TM4SF4: variants seen among roughly 807,000 people sequenced by gnomAD.
The protein encoded by TM4SF4 is transmembrane 4 L6 family member 4.
A neutral mutation model predicts 24.1 loss-of-function variants in TM4SF4; 24 were observed. The observed-to-expected ratio is 1.00, with a 90% CI of 0.72 to 1.40. The LOEUF is 1.40. Ranked by LOEUF, TM4SF4 falls within the 40% of genes most tolerant of loss-of-function variation. TM4SF4 has a pLI of 0.00. For missense variants in TM4SF4, 254 were observed against 254.2 expected (o/e 1.00, Z 0.01); for synonymous variants, 113 against 97.0 (o/e 1.17, Z -0.97).
In TM4SF4 at chr3:149,502,679, G is replaced by A. The variant is rs1161849277; in HGVS notation, c.595G>A (p.Asp199Asn). The change falls in exon 5 of 5, where the codon GAT becomes AAT. Residue 199 changes from aspartate (D) to asparagine (N), a missense_variant. Physicochemically the swap from Asp to Asn is conservative, Grantham distance 23 (BLOSUM62 1). Transcript: ENST00000305354. ...ATTCACCTTTTCTACCTTCTAGGGA[G>A]ATGGACCCGTTTAAACCTCCGAGAT... ...DCQCCGCCGG[D>N]GPV is the part of the protein sequence containing the mutation. 1.2e-6 allele frequency: 2 copies of A among 1,605,904 alleles called. No individual in the cohort carries two copies.
chr3:149,491,027 G>C (rs1055647516), intron 3 of TM4SF4, among the ~76,000 whole-genome samples: 2 of 150,804 alleles, frequency 1.3e-5, no homozygotes, highest in African/African-American at 4.9e-5. Context: ...GTGTTTTTAT[G>C]TGCATTATCT....
intron 3 of TM4SF4, among the ~76,000 whole-genome samples, chr3:149,490,602 A>C (rs755842407): frequency 6.6e-6 from 1 of 152,178 alleles, no homozygotes; most frequent in Non-Finnish European, 1.5e-5. Context: ...ATATTGACTC[A>C]TATTGTCTGC....
chr3:149,496,311 G>T (rs997766218), intron 3 of TM4SF4, among the ~76,000 whole-genome samples: 3 of 152,052 alleles, frequency 2.0e-5, no homozygotes, highest in African/African-American at 7.2e-5. Flanking sequence ...ATGGGCTCAA[G>T]CGATTCTCCC....
chr3:149,499,041 C>A, intron 4 of TM4SF4, 130 bp downstream of exon 4: 1 of 932,156 alleles, frequency 1.1e-6, no homozygotes, highest in Non-Finnish European at 1.6e-6. Flanking sequence ...CTGCAGAAAA[C>A]CAGCCCAGGT....
chr3:149,484,550 ATTTTTT>A lies in TM4SF4; in HGVS notation c.265-3056_265-3051del, dbSNP rs890892392. Among the ~76,000 whole-genome samples, 4 of 122,226 alleles carry A rather than the reference ATTTTTT, an allele frequency of 3.3e-5. No homozygotes were observed. In the Admixed American group the frequency reaches 3.4e-4, roughly 10 times the overall value. 80.2% of individuals were successfully genotyped at this position (122,226 alleles called of 152,430 possible). On this transcript the variant is annotated intron_variant, in intron 2 of 4. Coordinates refer to ENST00000305354, the MANE Select transcript of TM4SF4 (RefSeq NM_004617.4). ...AGGCATGGGCCACCACACCCCGCTA[ATTTTTT>A]TTTTTTTTTTTTGGAGGCGGAGTCT...
intron 2 of TM4SF4, among the ~76,000 whole-genome samples, chr3:149,483,019 T>C (rs528740801): frequency 6.6e-6 from 1 of 152,324 alleles, no homozygotes; most frequent in East Asian, 1.9e-4. Context: ...TTTCTTCCTG[T>C]GATTTATCCA....
At chr3:149,491,823 A>G (rs9870457) in intron 3 of TM4SF4, among the ~76,000 whole-genome samples, 72,023 of 151,866 alleles carry the variant, frequency 0.47, 19,009 homozygotes, top group South Asian at 0.62. Context: ...TCCAGTGAGG[A>G]AGGAGAAGCA....
At position 149,474,966 on chromosome 3, in the gene TM4SF4, T is replaced by C; in HGVS notation, c.89T>C (p.Phe30Ser). Residue 30 changes from phenylalanine (F) to serine (S), a missense_variant, in exon 1 of 5, where the codon TTT becomes TCT. Phe to Ser is a radical substitution (Grantham distance 155, BLOSUM62 -2). Transcript: ENST00000305354. ...TTCCTGGCTAACATCCTGTTATTTT[T>C]TCCTGGAGGAAAAGTGATAGATGAC... Reference protein sequence around the residue: ...FGFLANILLFFPGGKVIDDND... With the variant: ...FGFLANILLFSPGGKVIDDND... The C allele has an allele frequency of 6.2e-7, 1 of 1,613,982 alleles. No individual in the cohort carries two copies. The highest frequency in any genetic ancestry group is 8.5e-7 in the Non-Finnish European group (1 of 1,179,886).
chr3:149,489,532 A>G (rs1181579469), intron 3 of TM4SF4, among the ~76,000 whole-genome samples: 1 of 152,086 alleles, frequency 6.6e-6, no homozygotes, highest in East Asian at 1.9e-4. Context: ...AGGAACTAAC[A>G]CCCTCCCCTC....
At chr3:149,480,271 T>C (rs1734011944) in intron 2 of TM4SF4, among the ~76,000 whole-genome samples, 2 of 152,184 alleles carry the variant, frequency 1.3e-5, no homozygotes, top group African/African-American at 2.4e-5. Context: ...AATGGATCTC[T>C]TGGGGCGCAG....
chr3:149,497,804 C>T (rs1420388328), intron 3 of TM4SF4, among the ~76,000 whole-genome samples: 2 of 152,070 alleles, frequency 1.3e-5, no homozygotes, highest in Non-Finnish European at 2.9e-5. Flanking sequence ...ACCAGCATGC[C>T]CAGCTAATTT....
Position 149,487,642 on chromosome 3 carries a change from T to C in TM4SF4, c.288T>C (p.Ala96=). The C allele has an allele frequency of 6.2e-7, 1 of 1,614,050 alleles. No homozygotes were observed. Among genetic ancestry groups the C allele is most frequent in the South Asian group, 1.1e-5 (1 of 91,090 alleles). ...AGATGTTCACCTCCACGATATTTGC[T>C]GTGGTTGGATTCTTGGGAGCTGGAT... ...RFAMFTSTIF[A]VVGFLGAGYS... The change falls in exon 3 of 5, where the codon GCT becomes GCC. Residue 96 remains alanine, a synonymous_variant. Transcript: ENST00000305354.
In TM4SF4 at chr3:149,474,959, T is replaced by C. The variant is rs1733898668; in HGVS notation, c.82T>C (p.Leu28=). 1 of 1,613,956 alleles carries C rather than the reference T, an allele frequency of 6.2e-7. No homozygotes were observed. Among genetic ancestry groups the C allele is most frequent in the Non-Finnish European group, 8.5e-7 (1 of 1,179,882 alleles). ...TTTTGGCTTCCTGGCTAACATCCTG[T>C]TATTTTTTCCTGGAGGAAAAGTGAT... ...AFFGFLANIL[L]FFPGGKVIDD... is the part of the protein sequence containing the mutation. Residue 28 remains leucine (L), a synonymous_variant, in exon 1 of 5, where the codon TTA becomes CTA. Transcript: ENST00000305354.
intron 3 of TM4SF4, among the ~76,000 whole-genome samples, chr3:149,492,475 G>A (rs1734228695): frequency 6.6e-6 from 1 of 152,064 alleles, no homozygotes. Context: ...TCCCATCCAA[G>A]GTCTTCCTCC....
intron 3 of TM4SF4, among the ~76,000 whole-genome samples, chr3:149,496,480 A>C (rs899544907): frequency 6.6e-6 from 1 of 152,182 alleles, no homozygotes; most frequent in Non-Finnish European, 1.5e-5. Flanking sequence ...GAGAAAAAAA[A>C]AGTACTGAAA....
At chr3:149,481,658 A>G (rs115495818) in intron 2 of TM4SF4, among the ~76,000 whole-genome samples, 2,250 of 152,304 alleles carry the variant, frequency 0.015, 29 homozygotes, top group Middle Eastern at 0.031. Flanking sequence ...TGACCCCAGG[A>G]CACACCATGT....
At chr3:149,492,446 C>T (rs1734227940) in intron 3 of TM4SF4, among the ~76,000 whole-genome samples, 1 of 152,064 alleles carries the variant, frequency 6.6e-6, no homozygotes, top group Non-Finnish European at 1.5e-5. Flanking sequence ...CTCTTGGTTT[C>T]CTTTGAAGTA....
At chr3:149,476,150 G>A (rs767291552) in intron 2 of TM4SF4, among the ~76,000 whole-genome samples, 1 of 152,194 alleles carries the variant, frequency 6.6e-6, no homozygotes, top group Non-Finnish European at 1.5e-5. Flanking sequence ...AACCGACAGG[G>A]ATGTCAGAAC....
intron 4 of TM4SF4, among the ~76,000 whole-genome samples, chr3:149,501,479 T>C (rs60979680): frequency 0.086 from 13,065 of 152,316 alleles, 1,106 homozygotes; most frequent in East Asian, 0.43. Flanking sequence ...AAATTCTTAA[T>C]ATTTTCTCAC....
Sources: gnomAD v4.1 joint callset for allele counts (sites outside exome capture counted in the v4.1 genomes callset) on GRCh38, gnomAD v4.1.1 for gene constraint, MANE v1.5 for transcripts, NCBI Gene and HGNC (gene_info 2026-07-23, HGNC 2026-07-21) for gene names.